PCDH9: variants seen among roughly 807,000 people sequenced by gnomAD.
The protein encoded by PCDH9 is protocadherin 9.
In PCDH9, 24 loss-of-function variants were observed where a neutral mutation model predicts 70.6. That is an observed-to-expected ratio of 0.34 (90% CI 0.25 to 0.48). PCDH9 has a LOEUF of 0.48. Among genes scored for constraint, PCDH9 ranks in the 20% least tolerant of loss-of-function variants. The probability of loss-of-function intolerance (pLI) is 0.99; values close to 1 mark genes in which losing one functional copy is unlikely to be tolerated. For synonymous variants in PCDH9, 562 were observed against 558.5 expected, an observed-to-expected ratio of 1.01 and a Z score of -0.09; for missense variants, 1,281 against 1,503.6, an observed-to-expected ratio of 0.85 and a Z score of 2.45.
chr13:66,755,803 A>G (rs1449664062), intron 3 of PCDH9, among the ~76,000 whole-genome samples: 1 of 152,186 alleles, frequency 6.6e-6, no homozygotes, highest in African/African-American at 2.4e-5. Flanking sequence ...AATGGAATAG[A>G]ACAAAGAAAA....
rs562841799 is a variant in PCDH9 at position 66,914,126 on chromosome 13, A to T, written c.3037-10521T>A. Among the ~76,000 whole-genome samples, 222 of 152,128 alleles carry T rather than the reference A, an allele frequency of 1.5e-3. 1 individual carries two copies. Among genetic ancestry groups the T allele is most frequent in the Middle Eastern group, 0.01 (3 of 294 alleles). ...GTTTAAAAGGCCAGAGTGTTTTTTT[A>T]AATCTATTTTTAAAATGAAAGTTCT... On this transcript the variant is annotated intron_variant, in intron 2 of 4. Coordinates refer to ENST00000377865, the MANE Select transcript of PCDH9 (RefSeq NM_203487.3).
At chr13:67,172,265 T>C (rs761565409) in intron 2 of PCDH9, among the ~76,000 whole-genome samples, 2 of 152,210 alleles carry the variant, frequency 1.3e-5, no homozygotes, top group Non-Finnish European at 2.9e-5. Context: ...GGCACACTTT[T>C]CTGCTTAGCC....
intron 2 of PCDH9, among the ~76,000 whole-genome samples, chr13:67,031,901 T>C (rs571591290): frequency 6.6e-6 from 1 of 152,250 alleles, no homozygotes; most frequent in South Asian, 2.1e-4. Context: ...ACACAGCCCT[T>C]CTGGTCTTTT....
At chr13:66,361,271 A>G (rs1009440843) in intron 4 of PCDH9, among the ~76,000 whole-genome samples, 2 of 152,180 alleles carry the variant, frequency 1.3e-5, no homozygotes, top group Admixed American at 1.3e-4. Flanking sequence ...CAGTAAAATA[A>G]GTTTCTATCC....
At position 66,545,624 on chromosome 13, in the gene PCDH9, T is replaced by C. The variant is rs532363138; in HGVS notation, c.3340+85586A>G. Among the ~76,000 whole-genome samples the C allele has an allele frequency of 2.0e-5, 3 of 152,240 alleles. No individual in the cohort carries two copies. In the South Asian group the frequency reaches 6.2e-4, roughly 32 times the overall value. On this transcript the variant is annotated intron_variant, in intron 4 of 4. Coordinates refer to ENST00000377865, the MANE Select transcript of PCDH9 (RefSeq NM_203487.3). ...CTATCACCTAGTGATGTTTTAACCA[T>C]GATACCATTGTAGTTCAATGCCTTA...
At chr13:66,431,665 C>G (rs1957772279) in intron 4 of PCDH9, among the ~76,000 whole-genome samples, 1 of 151,944 alleles carries the variant, frequency 6.6e-6, no homozygotes, top group Non-Finnish European at 1.5e-5. Flanking sequence ...CTGTCAAACT[C>G]AAAGTAGGCA....
chr13:66,568,994 C>CTTTTTTTTTTTTTTTT (rs61067249), intron 4 of PCDH9, among the ~76,000 whole-genome samples: 8 of 58,322 alleles, frequency 1.4e-4, no homozygotes, highest in Admixed American at 2.5e-4. Context: ...GGAAACATGT[C>CTTTTTTTTTTTTTTTT]TTTTTTTTTT....
intron 4 of PCDH9, among the ~76,000 whole-genome samples, chr13:66,579,854 T>C (rs963066335): frequency 5.3e-5 from 8 of 152,030 alleles, no homozygotes; most frequent in African/African-American, 1.9e-4. Context: ...TTCTTAACTA[T>C]TAAGTTAGAA....
intron 3 of PCDH9, among the ~76,000 whole-genome samples, chr13:66,896,162 A>T (rs1456093214): frequency 6.6e-6 from 1 of 152,226 alleles, no homozygotes; most frequent in Non-Finnish European, 1.5e-5. Flanking sequence ...AAAAAGTTAA[A>T]GAAGGTGATG....
At chr13:66,647,470 AG>A (rs1246956357) in intron 3 of PCDH9, among the ~76,000 whole-genome samples, 2 of 152,176 alleles carry the variant, frequency 1.3e-5, no homozygotes, top group Non-Finnish European at 2.9e-5. Context: ...GCTGTCTTGA[AG>A]GGAAGGACCC....
intron 2 of PCDH9, among the ~76,000 whole-genome samples, chr13:67,016,503 T>G (rs73507342): frequency 0.023 from 3,555 of 152,308 alleles, 134 homozygotes; most frequent in African/African-American, 0.08. Flanking sequence ...TCAAAGCCAT[T>G]ATAGAGAGGA....
chr13:66,386,807 C>T (rs1956937378), intron 4 of PCDH9, among the ~76,000 whole-genome samples: 1 of 152,036 alleles, frequency 6.6e-6, no homozygotes, highest in Admixed American at 6.5e-5. Flanking sequence ...AAATACCAGA[C>T]AGAGAACTAA....
chr13:66,606,624 T>C (rs1332550256), intron 4 of PCDH9, among the ~76,000 whole-genome samples: 1 of 152,162 alleles, frequency 6.6e-6, no homozygotes, highest in Non-Finnish European at 1.5e-5. Context: ...CTAGTTAAGT[T>C]TGAATTTCAG....
intron 4 of PCDH9, among the ~76,000 whole-genome samples, chr13:66,389,607 AC>A (rs1161251384): frequency 6.6e-6 from 1 of 152,198 alleles, no homozygotes; most frequent in Non-Finnish European, 1.5e-5. Context: ...AACACAGGGT[AC>A]CAAAAAAGGC....
chr13:66,371,524 T>G (rs1337784205), intron 4 of PCDH9, among the ~76,000 whole-genome samples: 1 of 152,110 alleles, frequency 6.6e-6, no homozygotes, highest in African/African-American at 2.4e-5. Flanking sequence ...AGGTATATTT[T>G]ATAATATTTC....
At chr13:66,334,170 C>A (rs78639460) in intron 4 of PCDH9, among the ~76,000 whole-genome samples, 5,091 of 152,138 alleles carry the variant, frequency 0.033, 112 homozygotes, top group Non-Finnish European at 0.053. Context: ...AACCCATTAA[C>A]CAACCTCTCT....
In PCDH9 at chr13:66,601,699, T is replaced by C. The variant is rs966073326; in HGVS notation, c.3340+29511A>G. Among the ~76,000 whole-genome samples the C allele has an allele frequency of 2.1e-5, 3 of 146,232 alleles. No individual in the cohort carries two copies. The Admixed American group carries it at 2.1e-4, about 10-fold the overall frequency. On this transcript the variant is annotated intron_variant, in intron 4 of 4. Transcript: ENST00000377865. ...AACAGATAGAAGTAGAGTCATGCAC[T>C]GCAGAAGACACTTCATTCAGTGATG...
At chr13:66,715,374 G>A (rs903019393) in intron 3 of PCDH9, among the ~76,000 whole-genome samples, 4 of 152,062 alleles carry the variant, frequency 2.6e-5, no homozygotes, top group African/African-American at 7.2e-5. Flanking sequence ...TTTCGGTAAT[G>A]CTAATTATGA....
At chr13:66,771,693 G>C (rs964338739) in intron 3 of PCDH9, among the ~76,000 whole-genome samples, 1 of 152,148 alleles carries the variant, frequency 6.6e-6, no homozygotes, top group Non-Finnish European at 1.5e-5. Context: ...CTCGAACTAG[G>C]TTCAAATTTT....
Sources: allele counts gnomAD v4.1 joint callset (sites outside exome capture counted in the v4.1 genomes callset), GRCh38; gene constraint gnomAD v4.1.1; transcripts MANE v1.5; gene names NCBI Gene and HGNC (gene_info 2026-07-23, HGNC 2026-07-21).